LINGO2: variants seen among roughly 807,000 people sequenced by gnomAD.
LINGO2 encodes leucine-rich repeat and immunoglobulin-like domain-containing nogo receptor-interacting protein 2.
In LINGO2, 14 loss-of-function variants were observed where a neutral mutation model predicts 30.6. That is an observed-to-expected ratio of 0.46 (90% CI 0.30 to 0.72). LINGO2 has a LOEUF of 0.72. LINGO2 is among the 30% of genes least tolerant of loss of function. The pLI, the probability that LINGO2 is intolerant of heterozygous loss-of-function variation, is 0.07. For synonymous variants in LINGO2, 317 were observed against 288.5 expected, an observed-to-expected ratio of 1.10 and a Z score of -1.00; for missense variants, 729 against 751.7, an observed-to-expected ratio of 0.97 and a Z score of 0.35.
At chr9:28,897,361 C>T in the LINGO2 span, among the ~76,000 whole-genome samples, 2 of 151,538 alleles carry the variant, frequency 1.3e-5, no homozygotes, top group Non-Finnish European at 3.0e-5. Flanking sequence ...GATTTTTCTC[C>T]TTGATAGGCA....
the LINGO2 span, among the ~76,000 whole-genome samples, chr9:28,841,816 G>A: frequency 1.3e-5 from 2 of 151,708 alleles, no homozygotes; most frequent in Non-Finnish European, 2.9e-5. Flanking sequence ...AGCCACTCAA[G>A]AAATAGTTGA....
chr9:28,330,489 T>C (rs1825380193), intron 3 of LINGO2, among the ~76,000 whole-genome samples: 1 of 152,190 alleles, frequency 6.6e-6, no homozygotes, highest in Non-Finnish European at 1.5e-5. Context: ...TATTGATACA[T>C]TATATTAGAT....
the LINGO2 span, among the ~76,000 whole-genome samples, chr9:29,202,074 T>C: frequency 6.6e-6 from 1 of 152,026 alleles, no homozygotes; most frequent in African/African-American, 2.4e-5. Context: ...TTCAAAAATA[T>C]TTAGTAAGAA....
chr9:27,970,943 G>A (rs1183624814), intron 5 of LINGO2, among the ~76,000 whole-genome samples: 1 of 150,702 alleles, frequency 6.6e-6, no homozygotes, highest in Non-Finnish European at 1.5e-5. Context: ...AATCTAGTAT[G>A]TAAACTCATA....
At chr9:28,640,182 A>G (rs1272907774) in intron 1 of LINGO2, among the ~76,000 whole-genome samples, 5 of 152,240 alleles carry the variant, frequency 3.3e-5, no homozygotes. Flanking sequence ...GTTTCTGCCA[A>G]GAGATCAGCT....
intron 3 of LINGO2, among the ~76,000 whole-genome samples, chr9:28,342,035 A>C (rs2134393665): frequency 6.6e-6 from 1 of 152,260 alleles, no homozygotes; most frequent in Non-Finnish European, 1.5e-5. Context: ...AAGGAGGGGA[A>C]AATGTTGCTT....
chr9:28,447,812 C>G (rs537513032), intron 2 of LINGO2, among the ~76,000 whole-genome samples: 1 of 152,138 alleles, frequency 6.6e-6, no homozygotes, highest in South Asian at 2.1e-4. Context: ...TATAGGAACT[C>G]ATCTCTTTTT....
the LINGO2 span, among the ~76,000 whole-genome samples, chr9:29,005,613 G>A: frequency 7.2e-5 from 11 of 151,938 alleles, no homozygotes; most frequent in South Asian, 1.0e-3. Context: ...TTGCCCCTCC[G>A]TATACACAGG....
chr9:28,133,790 T>G (rs1563993758), intron 4 of LINGO2, among the ~76,000 whole-genome samples: 1 of 152,184 alleles, frequency 6.6e-6, no homozygotes, highest in Non-Finnish European at 1.5e-5. Flanking sequence ...TAAGATTTGG[T>G]CTTGGGATCT....
At chr9:28,888,567 C>T in the LINGO2 span, among the ~76,000 whole-genome samples, 3 of 152,026 alleles carry the variant, frequency 2.0e-5, no homozygotes, top group South Asian at 6.2e-4. Flanking sequence ...TTATCTTTCA[C>T]ATAAGCACTG....
the LINGO2 span, among the ~76,000 whole-genome samples, chr9:28,829,818 A>G: frequency 6.6e-6 from 1 of 152,128 alleles, no homozygotes; most frequent in Non-Finnish European, 1.5e-5. Flanking sequence ...TGAATTCAGG[A>G]GGCAGAGGTT....
the LINGO2 span, among the ~76,000 whole-genome samples, chr9:28,875,672 C>A: frequency 6.6e-6 from 1 of 152,000 alleles, no homozygotes; most frequent in Non-Finnish European, 1.5e-5. Context: ...AGTTTTGAGG[C>A]CTGTTACTTT....
At chr9:28,076,029 T>C (rs570403341) in intron 4 of LINGO2, among the ~76,000 whole-genome samples, 96 of 152,194 alleles carry the variant, frequency 6.3e-4, no homozygotes, top group African/African-American at 2.2e-3. Context: ...CTCATCTTCT[T>C]CCTAATAATT....
At chr9:28,935,109 A>C in the LINGO2 span, among the ~76,000 whole-genome samples, 2 of 139,644 alleles carry the variant, frequency 1.4e-5, no homozygotes, top group African/African-American at 2.5e-5. Flanking sequence ...CAAAAAATAC[A>C]AAAAAAAGGA....
intron 4 of LINGO2, among the ~76,000 whole-genome samples, chr9:28,050,350 C>A (rs918274414): frequency 6.6e-6 from 1 of 150,550 alleles, no homozygotes; most frequent in African/African-American, 2.5e-5. Flanking sequence ...GTTAAAGCCC[C>A]ATATCTGGAG....
intron 3 of LINGO2, among the ~76,000 whole-genome samples, chr9:28,326,746 C>A (rs1825243327): frequency 6.6e-6 from 1 of 152,092 alleles, no homozygotes; most frequent in Non-Finnish European, 1.5e-5. Flanking sequence ...TTTCTAATCC[C>A]AAATCATAGG....
At chr9:29,119,135 CCAGG>C in the LINGO2 span, among the ~76,000 whole-genome samples, 2,921 of 152,232 alleles carry the variant, frequency 0.019, 24 homozygotes, top group South Asian at 0.052. Flanking sequence ...CATGCGATGG[CCAGG>C]GAAAGCCATA....
Position 28,153,790 on chromosome 9 carries a change from G to A in LINGO2, c.-86-141385C>T, listed in dbSNP as rs181483381. 2.6e-5 allele frequency among the ~76,000 whole-genome samples: 4 copies of A among 152,138 alleles called. No individual in the cohort carries two copies. In the East Asian group the frequency reaches 7.7e-4, roughly 29 times the overall value. ...GGTGTTACCTAAACTTACATTCCTT[G>A]TGATTAAATTAATAATTAAACAGTA... On this transcript the variant is annotated intron_variant, in intron 4 of 5. Transcript: ENST00000379992.
chr9:28,686,859 C>T, the LINGO2 span, among the ~76,000 whole-genome samples: 1 of 151,858 alleles, frequency 6.6e-6, no homozygotes, highest in Non-Finnish European at 1.5e-5. Flanking sequence ...CGCCCATGGC[C>T]CACTGAAGAT....
Sources: allele counts gnomAD v4.1 joint callset (sites outside exome capture counted in the v4.1 genomes callset), GRCh38; gene constraint gnomAD v4.1.1; transcripts MANE v1.5; gene names NCBI Gene and HGNC (gene_info 2026-07-23, HGNC 2026-07-21).